Variants in TRABD2B observed in about 807,000 individuals in gnomAD.
TRABD2B encodes the protein TraB domain containing 2B.
Under a neutral mutation model 40.1 loss-of-function variants are expected in TRABD2B, and 14 were observed. That is an observed-to-expected ratio of 0.35 (90% CI 0.23 to 0.55). The LOEUF is 0.55. Ranked by LOEUF, TRABD2B falls within the 20% of genes least tolerant of loss-of-function variation. The pLI, the probability that TRABD2B is intolerant of heterozygous loss-of-function variation, is 0.90. For missense variants in TRABD2B, 541 were observed against 648.6 expected, an observed-to-expected ratio of 0.83 and a Z score of 1.80; for synonymous variants, 263 against 277.0, an observed-to-expected ratio of 0.95 and a Z score of 0.50.
intron 2 of TRABD2B, among the ~76,000 whole-genome samples, chr1:47,978,764 C>T (rs1436583234): frequency 2.6e-5 from 4 of 152,286 alleles, no homozygotes; most frequent in East Asian, 1.9e-4. Context: ...GGCCCTCTGA[C>T]GTCCTCGCTC....
intron 3 of TRABD2B, among the ~76,000 whole-genome samples, chr1:47,798,559 C>A (rs1386492433): frequency 6.6e-6 from 1 of 152,184 alleles, no homozygotes. Context: ...TGGCCCCTTT[C>A]CCAGTGTTAT....
At chr1:47,953,281 G>A (rs1337180984) in intron 2 of TRABD2B, among the ~76,000 whole-genome samples, 1 of 152,186 alleles carries the variant, frequency 6.6e-6, no homozygotes, top group Non-Finnish European at 1.5e-5. Context: ...AATCAGGACA[G>A]CATAAATGGA....
At chr1:47,973,251 C>T (rs536788379) in intron 2 of TRABD2B, among the ~76,000 whole-genome samples, 54 of 152,322 alleles carry the variant, frequency 3.5e-4, no homozygotes, top group Non-Finnish European at 2.9e-5. Context: ...GGGCAGCCCC[C>T]GCAGCCAGGT....
At chr1:47,803,506 C>T (rs931368732) in intron 2 of TRABD2B, among the ~76,000 whole-genome samples, 5 of 152,204 alleles carry the variant, frequency 3.3e-5, no homozygotes, top group African/African-American at 1.2e-4. Context: ...AGCCAACAGC[C>T]TGCCAATCCC....
intron 2 of TRABD2B, among the ~76,000 whole-genome samples, chr1:47,903,489 T>A (rs1215203483): frequency 1.3e-5 from 2 of 152,120 alleles, no homozygotes; most frequent in Non-Finnish European, 2.9e-5. Context: ...GAGCTTTGTC[T>A]GCACTGTGTC....
chr1:47,985,944 A>G lies in TRABD2B; in HGVS notation c.666+8090T>C, dbSNP rs140929655. Among the ~76,000 whole-genome samples the G allele has an allele frequency of 1.6e-3, 250 of 152,298 alleles. 1 individual carries two copies. Among genetic ancestry groups the G allele is most frequent in the African/African-American group, 5.2e-3 (217 of 41,546 alleles). ...GCTCCCAGGTAGAGGGAACAACATG[A>G]GCAAATGCATGGAGGCATAACTAAG... On this transcript the variant is annotated intron_variant, in intron 2 of 6. Coordinates refer to ENST00000606738, the MANE Select transcript of TRABD2B (RefSeq NM_001194986.2).
At chr1:47,800,007 C>A (rs1326320918) in intron 3 of TRABD2B, among the ~76,000 whole-genome samples, 2 of 88,626 alleles carry the variant, frequency 2.3e-5, no homozygotes, top group African/African-American at 9.3e-5. Context: ...TAAACTATTT[C>A]ATTCCTTCCT....
rs144457059 is a variant in TRABD2B, at chr1:47,859,153, C to T, written c.667-57534G>A. On this transcript the variant is annotated intron_variant, in intron 2 of 6. Coordinates refer to ENST00000606738, the MANE Select transcript of TRABD2B (RefSeq NM_001194986.2). ...ACAAAGCTGCCCCTCTTGAGGCTGG[C>T]ATGGTGCTTCATTCCAGCAGACTGA... Among the ~76,000 whole-genome samples, 107 of 152,330 alleles carry T rather than the reference C, an allele frequency of 7.0e-4. 1 individual carries two copies. The highest frequency in any genetic ancestry group is 2.4e-3 in the African/African-American group (100 of 41,564).
chr1:47,801,354 T>C (rs1644820559), intron 3 of TRABD2B, 119 bp downstream of exon 3: 2 of 1,101,898 alleles, frequency 1.8e-6, no homozygotes, highest in East Asian at 5.2e-5. Flanking sequence ...TCCCCACCTA[T>C]AAAAGGGGAA....
intron 2 of TRABD2B, among the ~76,000 whole-genome samples, chr1:47,851,341 G>A (rs1020901366): frequency 6.6e-6 from 1 of 152,118 alleles, no homozygotes; most frequent in South Asian, 2.1e-4. Flanking sequence ...ATCAAAATGG[G>A]AAACCAGCCT....
intron 2 of TRABD2B, among the ~76,000 whole-genome samples, chr1:47,936,154 A>G (rs528181135): frequency 6.6e-6 from 1 of 152,290 alleles, no homozygotes; most frequent in East Asian, 1.9e-4. Context: ...TTAGCAACAG[A>G]CTCAGCTGAA....
chr1:47,922,751 T>C (rs1040063214), intron 2 of TRABD2B, among the ~76,000 whole-genome samples: 2 of 152,216 alleles, frequency 1.3e-5, no homozygotes, highest in African/African-American at 4.8e-5. Context: ...TCCACAGCAC[T>C]TCTTCCCCTG....
intron 2 of TRABD2B, among the ~76,000 whole-genome samples, chr1:47,806,431 T>C (rs532699620): frequency 5.3e-5 from 8 of 152,208 alleles, no homozygotes; most frequent in South Asian, 2.1e-4. Flanking sequence ...CTTCTGCTCC[T>C]GGCCACCTTA....
intron 2 of TRABD2B, among the ~76,000 whole-genome samples, chr1:47,931,613 C>A (rs1201857975): frequency 6.6e-6 from 1 of 152,154 alleles, no homozygotes; most frequent in African/African-American, 2.4e-5. Context: ...TCTGGAGACA[C>A]CACGTGGGGA....
chr1:47,993,041 C>G (rs1480366781), intron 2 of TRABD2B, among the ~76,000 whole-genome samples: 1 of 152,242 alleles, frequency 6.6e-6, no homozygotes, highest in Non-Finnish European at 1.5e-5. Context: ...GAGGAGCAAG[C>G]AGGTCTGATT....
intron 2 of TRABD2B, among the ~76,000 whole-genome samples, chr1:47,883,163 A>C (rs761982618): frequency 4.6e-5 from 7 of 152,134 alleles, no homozygotes; most frequent in Admixed American, 2.6e-4. Context: ...CCATATACCC[A>C]GCTTGTAGGC....
At chr1:47,960,558 C>T (rs374648102) in intron 2 of TRABD2B, among the ~76,000 whole-genome samples, 4 of 152,026 alleles carry the variant, frequency 2.6e-5, no homozygotes, top group Admixed American at 2.6e-4. Context: ...ACAAGCATTC[C>T]TATACACCAA....
chr1:47,821,587 C>G (rs931766544), intron 2 of TRABD2B, among the ~76,000 whole-genome samples: 6 of 152,090 alleles, frequency 3.9e-5, no homozygotes, highest in African/African-American at 1.4e-4. Context: ...GGCAGGAGCT[C>G]AGTATCCCCA....
At chr1:47,920,955 C>T (rs1644894092) in intron 2 of TRABD2B, among the ~76,000 whole-genome samples, 1 of 152,224 alleles carries the variant, frequency 6.6e-6, no homozygotes, top group Non-Finnish European at 1.5e-5. Context: ...GGACTCCTCT[C>T]GGACTATAGT....
Sources: gnomAD v4.1 joint callset for allele counts (sites outside exome capture counted in the v4.1 genomes callset) on GRCh38, gnomAD v4.1.1 for gene constraint, MANE v1.5 for transcripts, NCBI Gene and HGNC (gene_info 2026-07-23, HGNC 2026-07-21) for gene names.